The following FAM120C variants were observed in gnomAD, a reference collection of about 807,000 sequenced individuals.
FAM120C encodes the protein constitutive coactivator of PPAR-gamma-like protein 2.
A neutral mutation model predicts 71.2 loss-of-function variants in FAM120C; 14 were observed. The ratio of observed to expected loss-of-function variants is 0.20; its 90% CI spans 0.13 to 0.31. The LOEUF (loss-of-function observed/expected upper bound fraction) is 0.31, where lower values mean the gene tolerates loss of function less well. Among genes scored for constraint, FAM120C ranks in the 10% least tolerant of loss-of-function variants. FAM120C has a pLI of 1.00. For missense variants in FAM120C, 500 were observed against 879.0 expected (o/e 0.57, Z 5.45); for synonymous variants, 354 against 353.2 (o/e 1.00, Z -0.03).
chrX:54,091,035 A>G (rs149930347), intron 11 of FAM120C, among the ~76,000 whole-genome samples: 3 of 112,410 alleles, frequency 2.7e-5, no homozygotes, highest in East Asian at 5.6e-4. Context: ...CCTATAGTGT[A>G]TCTTGTAAGA....
intron 11 of FAM120C, among the ~76,000 whole-genome samples, chrX:54,088,821 G>C (rs2146563796): frequency 9.1e-6 from 1 of 109,894 alleles, no homozygotes; most frequent in South Asian, 3.9e-4. Context: ...GGCTGAGGTG[G>C]GTGGATCGCT....
intron 10 of FAM120C, among the ~76,000 whole-genome samples, chrX:54,093,318 C>T (rs1408397776): frequency 3.6e-5 from 4 of 111,607 alleles, no homozygotes; most frequent in African/African-American, 1.3e-4. Flanking sequence ...GGGAGAACAG[C>T]GAACTCACAG....
chrX:54,107,479 A>G (rs1430210241), intron 10 of FAM120C, among the ~76,000 whole-genome samples: 1 of 109,974 alleles, frequency 9.1e-6, no homozygotes, highest in Admixed American at 9.9e-5. Flanking sequence ...GCCCAGGAAC[A>G]TGTTAGGCAG....
chrX:54,112,280 G>A (rs1901402652), intron 10 of FAM120C, among the ~76,000 whole-genome samples: 1 of 110,711 alleles, frequency 9.0e-6, no homozygotes, highest in Non-Finnish European at 1.9e-5. Flanking sequence ...AGCGGGGAAG[G>A]GTAGTGCACA....
In FAM120C at chrX:54,118,182, C is replaced by A. The variant is rs192084860; in HGVS notation, c.2063-1388G>T. ...AGGTTGCAATGAGCCAAGATTGTGC[C>A]ATTGGACTCCAGCCTGGGCAACAAG... On this transcript the variant is annotated intron_variant, in intron 9 of 15. Transcript: ENST00000375180. Among the ~76,000 whole-genome samples the A allele has an allele frequency of 1.3e-3, 140 of 108,444 alleles. 1 individual carries two copies. Among genetic ancestry groups the A allele is most frequent in the African/African-American group, 4.6e-3 (136 of 29,732 alleles). 94.2% of individuals were successfully genotyped at this position (108,444 alleles called of 115,157 possible).
Position 54,071,927 on chromosome X carries a change from C to A in FAM120C, c.*1106G>T, listed in dbSNP as rs1429496455. On this transcript the variant is annotated 3_prime_UTR_variant, in exon 16 of 16. Coordinates refer to ENST00000375180, the MANE Select transcript of FAM120C (RefSeq NM_017848.6). ...GGGAAATTGAGTAAATCCTCTGGGA[C>A]ATCACCATGTATGTATGTATGTATG... The A allele has an allele frequency of 1.3e-5, 1 of 76,333 alleles. No individual in the cohort carries two copies. Among genetic ancestry groups the A allele is most frequent in the Non-Finnish European group, 2.5e-5 (1 of 40,379 alleles). 6.3% of individuals were successfully genotyped at this position (76,333 alleles called of 1,213,427 possible). A position where few individuals can be genotyped will look rare whatever the true frequency, so the allele number is the denominator to read the frequency against.
chrX:54,168,876 T>C (rs2067273473), intron 1 of FAM120C, among the ~76,000 whole-genome samples: 1 of 112,262 alleles, frequency 8.9e-6, no homozygotes, highest in Admixed American at 9.5e-5. Flanking sequence ...TTCATCCCCC[T>C]CCCTCTCTTT....
intron 10 of FAM120C, among the ~76,000 whole-genome samples, chrX:54,103,340 T>C: frequency 8.9e-6 from 1 of 111,859 alleles, no homozygotes; most frequent in Middle Eastern, 4.6e-3. Context: ...ACTCTGGGCT[T>C]AAGGCTTGTG....
chrX:54,142,299 A>G (rs2067129638), intron 4 of FAM120C, among the ~76,000 whole-genome samples: 1 of 112,210 alleles, frequency 8.9e-6, no homozygotes, highest in South Asian at 3.7e-4. Flanking sequence ...TGGGAAGCGC[A>G]AGGGGTCGGG....
At chrX:54,134,126 C>A in intron 7 of FAM120C, 80 bp from the exon 8 acceptor site, 1 of 1,011,446 alleles carries the variant, frequency 9.9e-7, no homozygotes. Flanking sequence ...CTGTTCTGGA[C>A]CCAAGGGGTC....
At chrX:54,107,152 A>G (rs782628718) in intron 10 of FAM120C, among the ~76,000 whole-genome samples, 1 of 109,110 alleles carries the variant, frequency 9.2e-6, no homozygotes, top group African/African-American at 3.3e-5. Flanking sequence ...TCTGGAGTAC[A>G]GTGGTGCAAT....
chrX:54,078,850 T>G (rs2066749326), intron 15 of FAM120C, among the ~76,000 whole-genome samples: 1 of 110,497 alleles, frequency 9.1e-6, no homozygotes, highest in Non-Finnish European at 1.9e-5. Context: ...AACTGTGATA[T>G]AATCCAAGGC....
intron 13 of FAM120C, among the ~76,000 whole-genome samples, chrX:54,082,456 T>G (rs1300056380): frequency 1.8e-5 from 2 of 110,903 alleles, no homozygotes; most frequent in African/African-American, 6.6e-5. Context: ...ACACCCAGGC[T>G]GGAGTGCAAT....
chrX:54,104,722 C>T (rs782134652), intron 10 of FAM120C, among the ~76,000 whole-genome samples: 8 of 109,400 alleles, frequency 7.3e-5, no homozygotes, highest in Non-Finnish European at 1.5e-4. Flanking sequence ...GCAGGAGAAT[C>T]GCTTGAACCT....
At chrX:54,128,120 C>T (rs1000249354) in intron 9 of FAM120C, among the ~76,000 whole-genome samples, 8 of 111,623 alleles carry the variant, frequency 7.2e-5, no homozygotes, top group African/African-American at 2.3e-4. Context: ...TCCTCCACCA[C>T]CCAGATTCAT....
intron 1 of FAM120C, among the ~76,000 whole-genome samples, chrX:54,164,066 G>GA (rs2067248066): frequency 9.1e-6 from 1 of 109,832 alleles, no homozygotes; most frequent in Non-Finnish European, 1.9e-5. Flanking sequence ...CCTAGTAGCT[G>GA]GATTATAGGC....
chrX:54,182,430 G>A, intron 1 of FAM120C, 70 bp downstream of exon 1: 1 of 1,096,206 alleles, frequency 9.1e-7, no homozygotes, highest in Non-Finnish European at 1.2e-6. Context: ...TAAGTGGGTA[G>A]GTGGTTAGGT....
At chrX:54,138,682 G>A (rs1466461455) in intron 4 of FAM120C, among the ~76,000 whole-genome samples, 1 of 109,863 alleles carries the variant, frequency 9.1e-6, no homozygotes, top group Non-Finnish European at 1.9e-5. Flanking sequence ...AAAATTAGCT[G>A]GGCATGGTGG....
chrX:54,135,119 A>G lies in FAM120C; in HGVS notation c.1336-8T>C. 8.5e-7 allele frequency: 1 copy of G among 1,178,748 alleles called. No homozygotes were observed. Among genetic ancestry groups the G allele is most frequent in the African/African-American group, 1.8e-5 (1 of 56,754 alleles). ...GGGCACTTGATGAGAAAACTAAACGATAAAACAGACAGAAAAGCTATTTAA... is the reference window on the plus strand; with the variant it reads ...GGGCACTTGATGAGAAAACTAAACGGTAAAACAGACAGAAAAGCTATTTAA... On this transcript the variant is annotated splice_region_variant and splice_polypyrimidine_tract_variant and intron_variant, in intron 6 of 15. Transcript: ENST00000375180.
Sources: allele counts gnomAD v4.1 joint callset (sites outside exome capture counted in the v4.1 genomes callset), GRCh38; gene constraint gnomAD v4.1.1; transcripts MANE v1.5; gene names NCBI Gene and HGNC (gene_info 2026-07-23, HGNC 2026-07-21).